The following TMEM135 variants were observed in gnomAD, a reference collection of about 807,000 sequenced individuals.
The protein encoded by TMEM135 is transmembrane protein 135.
TMEM135 carries 30 observed loss-of-function variants against 60.3 expected under a neutral mutation model. That is an observed-to-expected ratio of 0.50 (90% CI 0.37 to 0.68). The LOEUF is 0.68. Among genes scored for constraint, TMEM135 ranks in the 30% least tolerant of loss-of-function variants. TMEM135 has a pLI of 0.00. For synonymous variants in TMEM135, 190 were observed against 186.7 expected (o/e 1.02, Z -0.14); for missense variants, 468 against 548.8 (o/e 0.85, Z 1.47).
intron 4 of TMEM135, among the ~76,000 whole-genome samples, chr11:87,115,973 T>C (rs1035190832): frequency 6.6e-5 from 10 of 152,098 alleles, no homozygotes; most frequent in Non-Finnish European, 1.2e-4. Flanking sequence ...TATTAATCTA[T>C]TTTTAAGAAT....
chr11:87,306,010 G>T lies in TMEM135; in HGVS notation c.768+5G>T. ...TGCATCTCTTATTGCATTAAAGTAAGTATATGAAAGTATGTACTTTATTAA... is the reference window on the plus strand; with the variant it reads ...TGCATCTCTTATTGCATTAAAGTAATTATATGAAAGTATGTACTTTATTAA... On this transcript the variant is annotated splice_donor_5th_base_variant and intron_variant, in intron 9 of 14. Coordinates refer to ENST00000305494, the MANE Select transcript of TMEM135 (RefSeq NM_022918.4). The T allele has an allele frequency of 6.4e-7, 1 of 1,550,528 alleles. No homozygotes were observed. The highest frequency in any genetic ancestry group is 8.8e-7 in the Non-Finnish European group (1 of 1,130,674).
intron 5 of TMEM135, among the ~76,000 whole-genome samples, chr11:87,195,885 T>C (rs1053308811): frequency 2.6e-5 from 4 of 152,214 alleles, no homozygotes; most frequent in Admixed American, 1.3e-4. Flanking sequence ...TGGTGGTTTT[T>C]TAAAAACAGT....
intron 4 of TMEM135, among the ~76,000 whole-genome samples, chr11:87,100,558 T>A (rs1857435095): frequency 6.6e-6 from 1 of 152,190 alleles, no homozygotes; most frequent in South Asian, 2.1e-4. Flanking sequence ...AAATATTTAC[T>A]GTTTTTTGGT....
intron 12 of TMEM135, among the ~76,000 whole-genome samples, chr11:87,317,099 A>AT (rs1049978238): frequency 2.6e-5 from 4 of 151,998 alleles, no homozygotes; most frequent in Admixed American, 1.3e-4. Flanking sequence ...TTTAGTATAT[A>AT]TTATGTTCTC....
At position 87,119,041 on chromosome 11, in the gene TMEM135, T is replaced by C. The variant is rs549795423; in HGVS notation, c.396+27646T>C. The stretch of plus-strand genomic sequence containing the variant: ...TTCGTGTATTCACTGTTATAGCACT[T>C]TTAATTTCCTTTGAGAACTTTCCTT... On this transcript the variant is annotated intron_variant, in intron 4 of 14. Transcript: ENST00000305494. 2.0e-5 allele frequency among the ~76,000 whole-genome samples: 3 copies of C among 152,350 alleles called. No homozygotes were observed. The East Asian group carries it at 5.8e-4, about 29-fold the overall frequency.
chr11:87,116,890 T>C, intron 4 of TMEM135, among the ~76,000 whole-genome samples: 1 of 152,090 alleles, frequency 6.6e-6, no homozygotes, highest in Non-Finnish European at 1.5e-5. Flanking sequence ...TGGCGTGATC[T>C]CGGCTCACTG....
At chr11:87,268,697 A>G (rs1941802167) in intron 6 of TMEM135, among the ~76,000 whole-genome samples, 1 of 152,090 alleles carries the variant, frequency 6.6e-6, no homozygotes, top group Non-Finnish European at 1.5e-5. Context: ...CTGCACAATT[A>G]GTAAACCCAA....
intron 6 of TMEM135, among the ~76,000 whole-genome samples, chr11:87,273,437 C>A (rs1941907416): frequency 6.6e-6 from 1 of 152,024 alleles, no homozygotes; most frequent in Admixed American, 6.6e-5. Flanking sequence ...TTGATCTTTT[C>A]TTTCCTTTAT....
intron 6 of TMEM135, among the ~76,000 whole-genome samples, chr11:87,288,787 G>A (rs897594166): frequency 1.3e-5 from 2 of 151,946 alleles, no homozygotes; most frequent in East Asian, 1.9e-4. Context: ...TACACCATGC[G>A]TTGCCTCTGA....
chr11:87,190,891 A>C (rs1226663751), intron 5 of TMEM135, among the ~76,000 whole-genome samples: 1 of 152,204 alleles, frequency 6.6e-6, no homozygotes, highest in African/African-American at 2.4e-5. Context: ...GCTGGTTACC[A>C]GTTTTTGGAT....
intron 4 of TMEM135, among the ~76,000 whole-genome samples, chr11:87,134,381 G>T (rs1938028725): frequency 6.6e-6 from 1 of 152,168 alleles, no homozygotes; most frequent in Non-Finnish European, 1.5e-5. Flanking sequence ...GAGATATTGG[G>T]GGTTAGGACT....
chr11:87,191,896 A>G (rs1393591688), intron 5 of TMEM135, among the ~76,000 whole-genome samples: 1 of 150,908 alleles, frequency 6.6e-6, no homozygotes, highest in Non-Finnish European at 1.5e-5. Context: ...GTATGCTAGC[A>G]TTCTCCTGAG....
chr11:87,043,584 A>G (rs1195697480), intron 1 of TMEM135, among the ~76,000 whole-genome samples: 2 of 151,916 alleles, frequency 1.3e-5, no homozygotes, highest in Non-Finnish European at 2.9e-5. Context: ...TTAGCTGGGC[A>G]TGGTGGTGTG....
intron 4 of TMEM135, among the ~76,000 whole-genome samples, chr11:87,119,082 G>T (rs1857972382): frequency 6.6e-6 from 1 of 152,084 alleles, no homozygotes; most frequent in African/African-American, 2.4e-5. Flanking sequence ...TTACAACTTG[G>T]CTCACTGGAA....
At chr11:87,164,120 A>G (rs1303278105) in intron 5 of TMEM135, among the ~76,000 whole-genome samples, 34 of 125,194 alleles carry the variant, frequency 2.7e-4, no homozygotes, top group African/African-American at 1.0e-3. Flanking sequence ...GCCCATGCCT[A>G]TGTCCTGAAT....
rs145479452 is a variant in TMEM135 at position 87,184,977 on chromosome 11, A to G, written c.462+27571A>G. Among the ~76,000 whole-genome samples the G allele has an allele frequency of 2.8e-4, 43 of 152,300 alleles. 1 individual carries two copies. The East Asian group carries it at 8.1e-3, about 29-fold the overall frequency. ...ATTTTAGAAAATTTTAAACTTATAC[A>G]AAAGTAAAGAGGATAATCCCCCAAT... On this transcript the variant is annotated intron_variant, in intron 5 of 14. Coordinates refer to ENST00000305494, the MANE Select transcript of TMEM135 (RefSeq NM_022918.4).
intron 1 of TMEM135, among the ~76,000 whole-genome samples, chr11:87,053,206 A>T (rs1949856428): frequency 6.7e-6 from 1 of 148,862 alleles, no homozygotes; most frequent in Admixed American, 6.7e-5. Context: ...AAAAAAAAAA[A>T]GTGTATTTTT....
At chr11:87,305,038 T>G (rs1308152501) in intron 8 of TMEM135, among the ~76,000 whole-genome samples, 1 of 152,224 alleles carries the variant, frequency 6.6e-6, no homozygotes, top group East Asian at 1.9e-4. Context: ...AAATCACAAA[T>G]TAGCTACTTT....
intron 5 of TMEM135, among the ~76,000 whole-genome samples, chr11:87,216,844 A>G (rs1467768685): frequency 1.3e-5 from 2 of 152,248 alleles, no homozygotes; most frequent in African/African-American, 4.8e-5. Flanking sequence ...CTTTAAAAAC[A>G]CATTTTAGAA....
Sources: allele counts gnomAD v4.1 joint callset (sites outside exome capture counted in the v4.1 genomes callset), GRCh38; gene constraint gnomAD v4.1.1; transcripts MANE v1.5; gene names NCBI Gene and HGNC (gene_info 2026-07-23, HGNC 2026-07-21).